Variants in CAST observed in about 807,000 individuals in gnomAD.
The protein encoded by CAST is calpastatin.
Under a neutral mutation model 119.6 loss-of-function variants are expected in CAST, and 76 were observed. That is an observed-to-expected ratio of 0.64 (90% confidence interval 0.53 to 0.77). The LOEUF (loss-of-function observed/expected upper bound fraction) is 0.77. CAST is among the 30% of genes least tolerant of loss of function. CAST has a pLI of 0.00. For missense variants in CAST, 953 were observed against 946.5 expected (o/e 1.01, Z -0.09); for synonymous variants, 319 against 331.6 (o/e 0.96, Z 0.41).
the CAST span, among the ~76,000 whole-genome samples, chr5:95,967,731 C>T: frequency 6.6e-6 from 1 of 152,192 alleles, no homozygotes; most frequent in Non-Finnish European, 1.5e-5. Context: ...TTTCCTGAGG[C>T]TTCCCCAGCC....
At chr5:96,021,538 T>C in the CAST span, among the ~76,000 whole-genome samples, 317 of 151,748 alleles carry the variant, frequency 2.1e-3, no homozygotes, top group Non-Finnish European at 3.4e-3. Context: ...CTCCGCCTCC[T>C]GGGTTCATGC....
chr5:96,741,500 A>T lies in CAST; in HGVS notation c.1018A>T (p.Thr340Ser). Residue 340 changes from threonine (T) to serine (S), a missense_variant, in exon 15 of 32, where the codon ACA becomes TCA. By Grantham distance (58) the Thr-to-Ser change is moderately conservative. Transcript: ENST00000675179. ...AGKKTEKEES[T>S]EVLKAQSAGT... ...TTTGTATTTTGTTTTTCAGGAATCT[A>T]CAGAAGTTTTAAAAGCTCAGTCAGC... 1 of 1,611,908 alleles carries T rather than the reference A, an allele frequency of 6.2e-7. No individual in the cohort carries two copies. Among genetic ancestry groups the T allele is most frequent in the East Asian group, 2.2e-5 (1 of 44,878 alleles).
chr5:96,392,923 C>T, the CAST span: 3 of 1,431,764 alleles, frequency 2.1e-6, no homozygotes, highest in Non-Finnish European at 2.9e-6. Flanking sequence ...CATGACAAAA[C>T]AACCACTTCA....
the CAST span, among the ~76,000 whole-genome samples, chr5:96,419,310 G>T: frequency 6.5e-4 from 93 of 142,194 alleles, 1 homozygote; most frequent in Middle Eastern, 3.9e-3. Flanking sequence ...TATTAAGTGA[G>T]ATATATATAT....
chr5:96,359,189 A>G, the CAST span, among the ~76,000 whole-genome samples: 1 of 152,106 alleles, frequency 6.6e-6, no homozygotes, highest in African/African-American at 2.4e-5. Flanking sequence ...TTTGCTTGGT[A>G]AATATTTCTC....
chr5:96,274,158 G>A, the CAST span, among the ~76,000 whole-genome samples: 2 of 151,464 alleles, frequency 1.3e-5, no homozygotes, highest in Admixed American at 1.3e-4. Context: ...TTGGAGTGCA[G>A]TGGCGTGATC....
At chr5:96,377,465 T>C in the CAST span, among the ~76,000 whole-genome samples, 1 of 152,318 alleles carries the variant, frequency 6.6e-6, no homozygotes, top group East Asian at 1.9e-4. Context: ...ATGCCTTTTC[T>C]ATATTTAGAT....
the CAST span, among the ~76,000 whole-genome samples, chr5:96,395,840 AAAT>A: frequency 4.1e-5 from 3 of 73,348 alleles, no homozygotes; most frequent in Non-Finnish European, 7.6e-5. Context: ...AAAAATAAAT[AAAT>A]AAGAGGTCTA....
chr5:96,519,228 C>T, the CAST span, among the ~76,000 whole-genome samples: 3 of 152,278 alleles, frequency 2.0e-5, no homozygotes, highest in East Asian at 5.8e-4. Flanking sequence ...CCATCTTTCT[C>T]TGAAAAGAAA....
At chr5:95,969,284 A>C in the CAST span, among the ~76,000 whole-genome samples, 1 of 152,196 alleles carries the variant, frequency 6.6e-6, no homozygotes, top group Non-Finnish European at 1.5e-5. Flanking sequence ...CCGAACAGGA[A>C]GTAGCATGAT....
At chr5:96,341,244 C>T in the CAST span, among the ~76,000 whole-genome samples, 1 of 152,162 alleles carries the variant, frequency 6.6e-6, no homozygotes, top group East Asian at 1.9e-4. Flanking sequence ...ACTTACCATA[C>T]ATTTAATTCA....
chr5:96,407,109 A>G, the CAST span, among the ~76,000 whole-genome samples: 1 of 152,346 alleles, frequency 6.6e-6, no homozygotes, highest in Admixed American at 6.5e-5. Flanking sequence ...TGTTTATCTA[A>G]TTTGGGGTTG....
At chr5:96,426,334 G>A in the CAST span, among the ~76,000 whole-genome samples, 1 of 152,138 alleles carries the variant, frequency 6.6e-6, no homozygotes, top group East Asian at 1.9e-4. Context: ...AGAGACTGCT[G>A]TTATAATGCT....
At chr5:96,007,540 A>G in the CAST span, among the ~76,000 whole-genome samples, 1 of 152,008 alleles carries the variant, frequency 6.6e-6, no homozygotes, top group African/African-American at 2.4e-5. Flanking sequence ...GCCCCTTGAG[A>G]GGTAATTAGG....
rs532611934 is a variant in CAST, at chr5:96,534,805, A to G, written c.60+4925A>G. ...AGAAAGAAAGAAAGAAAGAAAGAAG[A>G]AAGAAAGAAAGAAAGAAAAGAAAGA... On this transcript the variant is annotated intron_variant, in intron 1 of 11. Coordinates refer to the CAST transcript ENST00000505143. Among the ~76,000 whole-genome samples the G allele has an allele frequency of 3.5e-3, 377 of 106,366 alleles. 1 individual carries two copies. Among genetic ancestry groups the G allele is most frequent in the Middle Eastern group, 9.7e-3 (2 of 206 alleles). The allele number at this position is 106,366 out of a possible 152,430, so 69.8% of individuals were successfully genotyped here.
At chr5:96,413,974 A>C in the CAST span, among the ~76,000 whole-genome samples, 1 of 147,862 alleles carries the variant, frequency 6.8e-6, no homozygotes, top group Non-Finnish European at 1.5e-5. Context: ...AAAAAAAAAA[A>C]AAAAAAAAAA....
intron 3 of CAST, among the ~76,000 whole-genome samples, chr5:96,720,421 C>T (rs1485383598): frequency 6.6e-6 from 1 of 152,198 alleles, no homozygotes; most frequent in Non-Finnish European, 1.5e-5. Context: ...AGTTGCTTGT[C>T]TTTACAGAGA....
upstream of CAST, among the ~76,000 whole-genome samples, chr5:96,657,516 A>G (rs1748180914): frequency 6.6e-6 from 1 of 152,230 alleles, no homozygotes; most frequent in African/African-American, 2.4e-5. Flanking sequence ...AAAATCTTCA[A>G]TATGACAAGA....
At chr5:96,402,727 T>C in the CAST span, among the ~76,000 whole-genome samples, 2 of 152,132 alleles carry the variant, frequency 1.3e-5, no homozygotes, top group Non-Finnish European at 2.9e-5. Context: ...CTTTCATTTT[T>C]GGCTTGTTGA....
Sources: allele counts gnomAD v4.1 joint callset (sites outside exome capture counted in the v4.1 genomes callset), GRCh38; gene constraint gnomAD v4.1.1; transcripts MANE v1.5; gene names NCBI Gene and HGNC (gene_info 2026-07-23, HGNC 2026-07-21).